The following IL1RAPL1 variants were observed in gnomAD, a reference collection of about 807,000 sequenced individuals.
IL1RAPL1 encodes the protein interleukin 1 receptor accessory protein like 1, also known as interleukin-1 receptor accessory protein-like 1.
Under a neutral mutation model 48.4 loss-of-function variants are expected in IL1RAPL1, and 3 were observed. The observed-to-expected ratio is 0.06, with a 90% confidence interval of 0.03 to 0.16. The LOEUF is 0.16. Ranked by LOEUF, IL1RAPL1 falls within the 10% of genes least tolerant of loss-of-function variation. The pLI is 1.00. For synonymous variants in IL1RAPL1, 185 were observed against 187.7 expected (o/e 0.99, Z 0.12); for missense variants, 349 against 530.6 (o/e 0.66, Z 3.36).
At chrX:29,574,522 G>C (rs73452512) in intron 5 of IL1RAPL1, among the ~76,000 whole-genome samples, 1,602 of 110,418 alleles carry the variant, frequency 0.015, 33 homozygotes, top group African/African-American at 0.05. Context: ...TGTGAGACAA[G>C]GCGAGTCCCT....
chrX:29,901,103 C>G (rs1180573447), intron 6 of IL1RAPL1, among the ~76,000 whole-genome samples: 1 of 111,336 alleles, frequency 9.0e-6, no homozygotes, highest in African/African-American at 3.3e-5. Flanking sequence ...GCTTTCCAGT[C>G]TGCAGGAAAG....
chrX:29,421,775 C>T (rs905454470), intron 5 of IL1RAPL1, among the ~76,000 whole-genome samples: 3 of 111,759 alleles, frequency 2.7e-5, no homozygotes, highest in Non-Finnish European at 3.8e-5. Flanking sequence ...TTATAAATCA[C>T]GTAAGCCAGT....
intron 6 of IL1RAPL1, among the ~76,000 whole-genome samples, chrX:29,736,060 A>G (rs759710325): frequency 8.9e-6 from 1 of 112,551 alleles, no homozygotes; most frequent in Non-Finnish European, 1.9e-5. Flanking sequence ...TAGACCACAA[A>G]GAGAAAGAAA....
At chrX:28,677,078 A>G (rs1231110102) in intron 1 of IL1RAPL1, among the ~76,000 whole-genome samples, 1 of 112,016 alleles carries the variant, frequency 8.9e-6, no homozygotes, top group Admixed American at 9.5e-5. Flanking sequence ...GGACATATAA[A>G]TTATATTACT....
chrX:29,618,154 C>A (rs1471809753), intron 5 of IL1RAPL1, among the ~76,000 whole-genome samples: 1 of 111,160 alleles, frequency 9.0e-6, no homozygotes, highest in Non-Finnish European at 1.9e-5. Context: ...ATAAGAAAAA[C>A]CAAAAGAATT....
chrX:28,626,566 C>T (rs1934343451), intron 1 of IL1RAPL1, among the ~76,000 whole-genome samples: 1 of 112,106 alleles, frequency 8.9e-6, no homozygotes, highest in African/African-American at 3.2e-5. Context: ...TTAGGTTTTT[C>T]ACAAAGGGGC....
In IL1RAPL1 at chrX:29,077,097, T is replaced by C. The variant is rs186252542; in HGVS notation, c.83-205841T>C. Among the ~76,000 whole-genome samples, 76 of 111,813 alleles carry C rather than the reference T, an allele frequency of 6.8e-4. 1 individual carries two copies. The East Asian group carries it at 0.017, about 25-fold the overall frequency. On this transcript the variant is annotated intron_variant, in intron 2 of 10. Transcript: ENST00000378993. ...AAAGATTCTAAAATAAATTGGTAAT[T>C]ATAAAGATGATAATGTATGGCCTCG... is the stretch of plus-strand genomic sequence containing the variant.
chrX:29,599,444 C>T (rs944626767), intron 5 of IL1RAPL1, among the ~76,000 whole-genome samples: 70 of 111,779 alleles, frequency 6.3e-4, no homozygotes, highest in African/African-American at 1.9e-3. Flanking sequence ...CCTCACAGCT[C>T]GTAAGATTCT....
At chrX:29,160,385 TTTTA>T (rs1218420943) in intron 2 of IL1RAPL1, among the ~76,000 whole-genome samples, 1 of 111,836 alleles carries the variant, frequency 8.9e-6, no homozygotes, top group African/African-American at 3.2e-5. Context: ...TGGGTTTTAT[TTTTA>T]TTTAATTTTA....
chrX:29,751,419 A>AT (rs1246697771), intron 6 of IL1RAPL1, among the ~76,000 whole-genome samples: 1 of 111,965 alleles, frequency 8.9e-6, no homozygotes, highest in African/African-American at 3.2e-5. Context: ...TTACTACTGA[A>AT]TATGGTAGTC....
rs185056113 is a variant in IL1RAPL1 at position 29,459,696 on chromosome X, A to G, written c.703+60388A>G. Among the ~76,000 whole-genome samples, 49 of 112,070 alleles carry G rather than the reference A, an allele frequency of 4.4e-4. No homozygotes were observed. The East Asian group carries it at 0.014, about 31-fold the overall frequency. ...GTGTACAACATGTTTTGAAATATAT[A>G]TACATTGTGAAATACCTAAATCTAG... On this transcript the variant is annotated intron_variant, in intron 5 of 10. Coordinates refer to ENST00000378993, the MANE Select transcript of IL1RAPL1 (RefSeq NM_014271.4).
chrX:29,794,021 T>G (rs559033195), intron 6 of IL1RAPL1, among the ~76,000 whole-genome samples: 2 of 112,072 alleles, frequency 1.8e-5, no homozygotes, highest in South Asian at 3.7e-4. Context: ...AGAAAAGAAG[T>G]AATGGGGATT....
At chrX:29,339,075 T>TACACACAC (rs758487838) in intron 3 of IL1RAPL1, among the ~76,000 whole-genome samples, 5,690 of 92,192 alleles carry the variant, frequency 0.062, 241 homozygotes, top group African/African-American at 0.12. Context: ...GCTGGGTAAA[T>TACACACAC]ACACACACAC....
At chrX:29,227,737 C>G (rs1602122572) in intron 2 of IL1RAPL1, among the ~76,000 whole-genome samples, 1 of 111,705 alleles carries the variant, frequency 9.0e-6, no homozygotes, top group African/African-American at 3.3e-5. Context: ...CATACATTTG[C>G]AGCACTTTGC....
intron 1 of IL1RAPL1, among the ~76,000 whole-genome samples, chrX:28,739,338 T>C (rs1412647836): frequency 9.0e-6 from 1 of 110,575 alleles, no homozygotes; most frequent in Non-Finnish European, 1.9e-5. Flanking sequence ...CTTTACTCTT[T>C]TGATGTCTGT....
chrX:29,109,712 A>G (rs997299504), intron 2 of IL1RAPL1, among the ~76,000 whole-genome samples: 2 of 111,376 alleles, frequency 1.8e-5, no homozygotes. Context: ...CAAATTTTCA[A>G]AAGAATATCT....
chrX:29,637,519 G>C (rs1925011462), intron 5 of IL1RAPL1, among the ~76,000 whole-genome samples: 1 of 111,027 alleles, frequency 9.0e-6, no homozygotes, highest in Admixed American at 9.6e-5. Flanking sequence ...ATATGAATTG[G>C]AGAAGGTATA....
intron 3 of IL1RAPL1, among the ~76,000 whole-genome samples, chrX:29,287,753 T>C (rs1281090189): frequency 8.9e-6 from 1 of 112,547 alleles, no homozygotes; most frequent in Non-Finnish European, 1.9e-5. Context: ...TTGAATTATT[T>C]ATGTCCTCCT....
intron 5 of IL1RAPL1, among the ~76,000 whole-genome samples, chrX:29,580,760 A>C (rs1227881876): frequency 8.9e-6 from 1 of 111,986 alleles, no homozygotes; most frequent in Non-Finnish European, 1.9e-5. Context: ...TGCCAATTTG[A>C]ACGCAGATGA....
Sources: allele counts gnomAD v4.1 joint callset (sites outside exome capture counted in the v4.1 genomes callset), GRCh38; gene constraint gnomAD v4.1.1; transcripts MANE v1.5; gene names NCBI Gene and HGNC (gene_info 2026-07-23, HGNC 2026-07-21).